The following CHD6 variants were observed in gnomAD, a reference collection of about 807,000 sequenced individuals.
The protein encoded by CHD6 is chromodomain helicase DNA binding protein 6, also known as ATP-dependent chromatin remodeler CHD6.
A neutral mutation model predicts 276.9 loss-of-function variants in CHD6; 50 were observed. The observed-to-expected ratio is 0.18, with a 90% CI of 0.14 to 0.23. The LOEUF (loss-of-function observed/expected upper bound fraction) is 0.23, where lower values mean the gene tolerates loss of function less well. CHD6 is among the 10% of genes least tolerant of loss of function. CHD6 has a pLI of 1.00. For synonymous variants in CHD6, 1,173 were observed against 1,229.3 expected (o/e 0.95, Z 0.96); for missense variants, 2,564 against 3,365.8 (o/e 0.76, Z 5.89).
chr20:41,595,874 G>A (rs549363677), intron 1 of CHD6, among the ~76,000 whole-genome samples: 1 of 151,916 alleles, frequency 6.6e-6, no homozygotes, highest in South Asian at 2.1e-4. Context: ...AATGACAAAA[G>A]TCCTGTCTCC....
intron 5 of CHD6, among the ~76,000 whole-genome samples, chr20:41,500,847 G>A (rs774286859): frequency 1.3e-5 from 2 of 152,158 alleles, no homozygotes; most frequent in African/African-American, 2.4e-5. Context: ...GAAATACAGT[G>A]AGGAAATAAA....
chr20:41,543,229 C>T (rs969552513), intron 2 of CHD6, among the ~76,000 whole-genome samples: 1 of 151,998 alleles, frequency 6.6e-6, no homozygotes. Flanking sequence ...CATATTATGA[C>T]TCCATTTTAC....
intron 17 of CHD6, among the ~76,000 whole-genome samples, chr20:41,458,333 T>C (rs550789223): frequency 6.6e-6 from 1 of 152,350 alleles, no homozygotes; most frequent in East Asian, 1.9e-4. Context: ...TTTTTTTTAT[T>C]ACTTCTTTAT....
intron 18 of CHD6, among the ~76,000 whole-genome samples, chr20:41,456,826 A>T (rs2048390480): frequency 6.6e-6 from 1 of 152,212 alleles, no homozygotes; most frequent in South Asian, 2.1e-4. Flanking sequence ...TAATTTATTC[A>T]TTCATTTACT....
intron 1 of CHD6, among the ~76,000 whole-genome samples, chr20:41,615,756 A>T (rs549111191): frequency 6.6e-6 from 1 of 152,230 alleles, no homozygotes; most frequent in South Asian, 2.1e-4. Flanking sequence ...GTAATTACCA[A>T]TTAAAGTCTT....
chr20:41,456,510 T>C (rs1480966073), intron 18 of CHD6, among the ~76,000 whole-genome samples: 2 of 152,106 alleles, frequency 1.3e-5, no homozygotes, highest in Non-Finnish European at 2.9e-5. Context: ...CTGGTTCTAA[T>C]TAAGAATCTG....
intron 1 of CHD6, among the ~76,000 whole-genome samples, chr20:41,585,418 T>C (rs2045583609): frequency 6.6e-6 from 1 of 150,960 alleles, no homozygotes; most frequent in Non-Finnish European, 1.5e-5. Flanking sequence ...GAGAATTGCT[T>C]GAACCTGGTT....
At chr20:41,543,731 T>C (rs2044989067) in intron 2 of CHD6, among the ~76,000 whole-genome samples, 1 of 152,228 alleles carries the variant, frequency 6.6e-6, no homozygotes, top group Admixed American at 6.5e-5. Context: ...ACCACCATCG[T>C]AAGAATGTAG....
chr20:41,608,840 C>T lies in CHD6; in HGVS notation c.-24+9500G>A, dbSNP rs76663950. Among the ~76,000 whole-genome samples, 1,294 of 152,270 alleles carry T rather than the reference C, an allele frequency of 8.5e-3. 18 individuals are homozygous for T. The highest frequency in any genetic ancestry group is 0.027 in the African/African-American group (1,142 of 41,552). ...GCCACAACCACACTCATAAGGGCAA[C>T]AACAAAACTTAGTTCAAGAGTAAAT... On this transcript the variant is annotated intron_variant, in intron 1 of 36. Coordinates refer to ENST00000373233, the MANE Select transcript of CHD6 (RefSeq NM_032221.5).
At chr20:41,553,650 T>C (rs2045178996) in intron 1 of CHD6, among the ~76,000 whole-genome samples, 2 of 152,248 alleles carry the variant, frequency 1.3e-5, no homozygotes. Context: ...GATAAATACA[T>C]CTGCTTTTCC....
Position 41,452,095 on chromosome 20 carries a change from G to A in CHD6, c.3324-70C>T, listed in dbSNP as rs1406433162. On this transcript the variant is annotated intron_variant, in intron 21 of 36. Coordinates refer to ENST00000373233, the MANE Select transcript of CHD6 (RefSeq NM_032221.5). This position sits in a 1 kb window ranked among gnomAD's most constrained non-coding sequence, Gnocchi z 4.2. Reference sequence around the variant, plus strand: ...GGCCATGCAGGCAGCCTCCCCACAGGAGGAGAAACAAGAGCCATACATGCT... The same window carrying A: ...GGCCATGCAGGCAGCCTCCCCACAGAAGGAGAAACAAGAGCCATACATGCT... 3 of 1,189,788 alleles carry A rather than the reference G, an allele frequency of 2.5e-6. No homozygotes were observed. The African/African-American group carries it at 4.5e-5, about 18-fold the overall frequency. 73.7% of individuals were successfully genotyped at this position (1,189,788 alleles called of 1,614,324 possible).
In CHD6 at chr20:41,415,324, A is replaced by G; in HGVS notation, c.6801T>C (p.Pro2267=). 6.8e-6 allele frequency: 11 copies of G among 1,614,190 alleles called. No individual in the cohort carries two copies. Among genetic ancestry groups the G allele is most frequent in the African/African-American group, 1.3e-5 (1 of 75,046 alleles). ...SGILQAGLIH[P]VTGQIVNGSL... The stretch of plus-strand genomic sequence containing the variant: ...TTCCATTGACAATCTGTCCAGTCAC[A>G]GGATGGATCAGGCCAGCTTGCAGAA... Residue 2267 remains proline (P), a synonymous_variant, in exon 34 of 37, where the codon CCT becomes CCC. Coordinates refer to ENST00000373233, the MANE Select transcript of CHD6 (RefSeq NM_032221.5).
chr20:41,427,347 A>T (rs897080036), intron 27 of CHD6, among the ~76,000 whole-genome samples: 1 of 152,186 alleles, frequency 6.6e-6, no homozygotes, highest in Non-Finnish European at 1.5e-5. Context: ...AACAGCGTTA[A>T]CAGCTAATAT....
intron 1 of CHD6, among the ~76,000 whole-genome samples, chr20:41,597,868 C>T (rs1476950126): frequency 6.6e-6 from 1 of 152,140 alleles, no homozygotes; most frequent in Non-Finnish European, 1.5e-5. Context: ...CAGCTCTCTA[C>T]TTTGCCCTTC....
intron 1 of CHD6, among the ~76,000 whole-genome samples, chr20:41,610,760 AAAATAAATAAATAAATAAAT>A (rs5841413): frequency 2.7e-5 from 4 of 147,216 alleles, no homozygotes; most frequent in Non-Finnish European, 4.5e-5. Context: ...TCCGTCTCAA[AAAATAAATAAATAAATAAAT>A]AAATAAATAA....
rs1159515732 is a variant in CHD6 at position 41,420,907 on chromosome 20, C to G, written c.5728G>C (p.Asp1910His). The change falls in exon 31 of 37, where the codon GAT (aspartate) becomes CAT (histidine). Residue 1910 changes from aspartate (D) to histidine (H), a missense_variant. By Grantham distance (81) the Asp-to-His change is moderately conservative (BLOSUM62 -1). Coordinates refer to ENST00000373233, the MANE Select transcript of CHD6 (RefSeq NM_032221.5). The stretch of plus-strand genomic sequence containing the variant: ...TCTAAGCTTCCTTTCTTGGTTTCAT[C>G]TTGGAAGCCTTGGTTCTTTTCCCTT... ...ISREKNQGFQ[D>H]ETKKGSLEVA... is the part of the protein sequence containing the mutation. The G allele has an allele frequency of 3.7e-6, 6 of 1,614,202 alleles. No individual in the cohort carries two copies. Among genetic ancestry groups the G allele is most frequent in the Non-Finnish European group, 5.1e-6 (6 of 1,180,042 alleles).
At chr20:41,422,338 G>C (rs919523853) in intron 30 of CHD6, among the ~76,000 whole-genome samples, 2 of 152,140 alleles carry the variant, frequency 1.3e-5, no homozygotes, top group African/African-American at 4.8e-5. Context: ...CTTTAAATAA[G>C]CATGTACTAG....
chr20:41,440,950 T>C (rs1355751549), intron 25 of CHD6, among the ~76,000 whole-genome samples: 1 of 152,180 alleles, frequency 6.6e-6, no homozygotes, highest in Admixed American at 6.5e-5. Flanking sequence ...CTATTTTGGT[T>C]TTTGTTCTCG....
intron 4 of CHD6, 76 bp from the exon 5 acceptor site, chr20:41,513,071 C>T (rs2044160019): frequency 1.4e-6 from 2 of 1,467,214 alleles, no homozygotes; most frequent in South Asian, 1.2e-5. Context: ...CCCTCATCTA[C>T]ATTTACTAAC....
Sources: allele counts gnomAD v4.1 joint callset (sites outside exome capture counted in the v4.1 genomes callset), GRCh38; gene constraint gnomAD v4.1.1; non-coding constraint Gnocchi (gnomAD v3.1); transcripts MANE v1.5; gene names NCBI Gene and HGNC (gene_info 2026-07-23, HGNC 2026-07-21).